Variants in OR3A2 observed in about 807,000 individuals in gnomAD.
The protein encoded by OR3A2 is olfactory receptor family 3 subfamily A member 2.
For missense variants in OR3A2, 318 were observed against 392.8 expected, an observed-to-expected ratio of 0.81 and a Z score of 1.61; for synonymous variants, 126 against 159.3, an observed-to-expected ratio of 0.79 and a Z score of 1.57.
At chr17:3,364,085 A>G (rs1473666561) in intron 2 of OR3A2, among the ~76,000 whole-genome samples, 1 of 152,238 alleles carries the variant, frequency 6.6e-6, no homozygotes, top group Non-Finnish European at 1.5e-5. Context: ...TATAAATGAT[A>G]TAAATGTATG....
At chr17:3,286,077 C>G (rs1350400271), upstream of OR3A2, among the ~76,000 whole-genome samples, 1 of 152,120 alleles carries the variant, frequency 6.6e-6, no homozygotes, top group South Asian at 2.1e-4. Flanking sequence ...CCCCCCACCC[C>G]CCAAGAGGCC....
chr17:3,360,893 C>T (rs1181931009), intron 2 of OR3A2, among the ~76,000 whole-genome samples: 1 of 151,570 alleles, frequency 6.6e-6, no homozygotes, highest in Non-Finnish European at 1.5e-5. Context: ...ATTAACTTGG[C>T]GATCTGGGCT....
intron 2 of OR3A2, among the ~76,000 whole-genome samples, chr17:3,381,996 C>G (rs2150669725): frequency 6.6e-6 from 1 of 152,274 alleles, no homozygotes; most frequent in Middle Eastern, 3.4e-3. Context: ...TTTATACCAG[C>G]AAATGAGGGC....
intron 3 of OR3A2, among the ~76,000 whole-genome samples, chr17:3,300,191 T>A (rs554191661): frequency 6.6e-6 from 1 of 152,188 alleles, no homozygotes; most frequent in African/African-American, 2.4e-5. Context: ...ATCTGATCAC[T>A]ATGACTGTCT....
At chr17:3,338,781 A>G (rs2049292352) in intron 2 of OR3A2, among the ~76,000 whole-genome samples, 4 of 152,182 alleles carry the variant, frequency 2.6e-5, no homozygotes, top group Non-Finnish European at 5.9e-5. Context: ...TATGAACTTT[A>G]AAGTAGTTTT....
intron 3 of OR3A2, among the ~76,000 whole-genome samples, chr17:3,300,688 TTTTC>T (rs2048956155): frequency 8.7e-6 from 1 of 114,682 alleles, no homozygotes; most frequent in Non-Finnish European, 1.9e-5. Flanking sequence ...ACAAAAATTT[TTTTC>T]TTTTTTTTTT....
downstream of OR3A2, among the ~76,000 whole-genome samples, chr17:3,276,146 G>A (rs1260502297): frequency 6.7e-6 from 1 of 149,440 alleles, no homozygotes; most frequent in Non-Finnish European, 1.5e-5. Context: ...TCACAACATT[G>A]TTGTTGCAAA....
At chr17:3,369,731 T>C (rs2049595999) in intron 2 of OR3A2, among the ~76,000 whole-genome samples, 1 of 152,118 alleles carries the variant, frequency 6.6e-6, no homozygotes, top group Non-Finnish European at 1.5e-5. Context: ...AGTATTAGGG[T>C]AATCCTGGCT....
At chr17:3,359,383 TTAAG>T (rs968569368) in intron 2 of OR3A2, among the ~76,000 whole-genome samples, 2 of 151,734 alleles carry the variant, frequency 1.3e-5, no homozygotes, top group African/African-American at 4.9e-5. Context: ...GTCTGTGTGT[TTAAG>T]TATGTTTTTG....
At chr17:3,333,046 G>C (rs1352242667) in intron 3 of OR3A2, among the ~76,000 whole-genome samples, 1 of 152,252 alleles carries the variant, frequency 6.6e-6, no homozygotes, top group Non-Finnish European at 1.5e-5. Flanking sequence ...TTTTCTTCTT[G>C]CAGAGAGCCT....
chr17:3,324,719 G>T (rs2049155994), intron 3 of OR3A2, among the ~76,000 whole-genome samples: 1 of 152,060 alleles, frequency 6.6e-6, no homozygotes, highest in Non-Finnish European at 1.5e-5. Flanking sequence ...TCCTTTGGAA[G>T]TTTTGTCTCA....
intron 3 of OR3A2, among the ~76,000 whole-genome samples, chr17:3,320,895 G>A (rs922307560): frequency 1.3e-5 from 2 of 151,934 alleles, no homozygotes; most frequent in African/African-American, 4.8e-5. Flanking sequence ...CTTTAAAGTA[G>A]TTTTTTCCAA....
At chr17:3,348,304 A>G (rs1158247691) in intron 2 of OR3A2, among the ~76,000 whole-genome samples, 2 of 151,946 alleles carry the variant, frequency 1.3e-5, no homozygotes, top group Non-Finnish European at 2.9e-5. Flanking sequence ...GGTGTTTTAG[A>G]CATGAAGTCC....
chr17:3,295,040 G>A (rs73977628), intron 3 of OR3A2, among the ~76,000 whole-genome samples: 2,132 of 152,018 alleles, frequency 0.014, 33 homozygotes, highest in African/African-American at 0.048. Flanking sequence ...CTATAAACTG[G>A]TGGTTAATAT....
At chr17:3,292,289 C>T (rs1342570827) in intron 3 of OR3A2, 1 of 1,613,950 alleles carries the variant, frequency 6.2e-7, no homozygotes, top group Non-Finnish European at 8.5e-7. Flanking sequence ...TAAGGCAGGC[C>T]CCACAGGGAA....
chr17:3,280,931 A>T (rs2150616437), intron 1 of OR3A2, among the ~76,000 whole-genome samples: 1 of 152,268 alleles, frequency 6.6e-6, no homozygotes, highest in East Asian at 1.9e-4. Context: ...TCTCACTAAG[A>T]TCTGGAAAGC....
chr17:3,333,356 C>G (rs1782707157), intron 3 of OR3A2, among the ~76,000 whole-genome samples: 1 of 152,192 alleles, frequency 6.6e-6, no homozygotes, highest in Non-Finnish European at 1.5e-5. Context: ...ATGTGCACAG[C>G]TGAACATAGA....
At chr17:3,356,287 A>C (rs1190715165) in intron 2 of OR3A2, among the ~76,000 whole-genome samples, 1 of 151,452 alleles carries the variant, frequency 6.6e-6, no homozygotes, top group African/African-American at 2.4e-5. Flanking sequence ...ATAGTGTTTT[A>C]AGATTCTGTT....
intron 3 of OR3A2, among the ~76,000 whole-genome samples, chr17:3,326,703 C>A (rs1335048392): frequency 5.4e-5 from 6 of 111,418 alleles, no homozygotes; most frequent in Non-Finnish European, 7.1e-5. Context: ...TCCCTCCCCC[C>A]TCCCCCCACT....
Sources: gnomAD v4.1 joint callset for allele counts (sites outside exome capture counted in the v4.1 genomes callset) on GRCh38, gnomAD v4.1.1 for gene constraint, MANE v1.5 for transcripts, NCBI Gene and HGNC (gene_info 2026-07-23, HGNC 2026-07-21) for gene names.